The following KDM4C variants were observed in gnomAD, a reference collection of about 807,000 sequenced individuals.
KDM4C encodes lysine-specific demethylase 4C.
KDM4C carries 81 observed loss-of-function variants against 129.3 expected under a neutral mutation model. That is an observed-to-expected ratio of 0.63 (90% confidence interval 0.52 to 0.75). The LOEUF is 0.75. KDM4C is among the 30% of genes least tolerant of loss of function. The probability of loss-of-function intolerance (pLI) is 0.00; values close to 1 mark genes in which losing one functional copy is unlikely to be tolerated. For synonymous variants in KDM4C, 573 were observed against 456.1 expected, an observed-to-expected ratio of 1.26 and a Z score of -3.26; for missense variants, 1,457 against 1,304.0, an observed-to-expected ratio of 1.12 and a Z score of -1.81.
intron 15 of KDM4C, among the ~76,000 whole-genome samples, chr9:7,031,733 G>A (rs891225244): frequency 4.6e-5 from 7 of 152,050 alleles, no homozygotes; most frequent in African/African-American, 4.8e-5. Flanking sequence ...TAAGTAAGTG[G>A]CATCTGCATA....
rs142563766 is a variant in KDM4C at position 6,955,597 on chromosome 9, G to A, written c.922-25328G>A. ...AAGTATGACTCTAGAAAAGGAAAAC[G>A]TGACCAGCCTCTGATTAATGGCATG... On this transcript the variant is annotated intron_variant, in intron 8 of 21. Coordinates refer to ENST00000381309, the MANE Select transcript of KDM4C (RefSeq NM_015061.6). Among the ~76,000 whole-genome samples the A allele has an allele frequency of 8.0e-3, 1,225 of 152,288 alleles. 12 individuals carry two copies. Among genetic ancestry groups the A allele is most frequent in the African/African-American group, 0.026 (1,100 of 41,550 alleles).
intron 1 of KDM4C, among the ~76,000 whole-genome samples, chr9:6,761,477 C>T (rs1395365603): frequency 3.3e-5 from 5 of 152,190 alleles, no homozygotes; most frequent in Non-Finnish European, 7.4e-5. Flanking sequence ...GGTGGGACTA[C>T]AGGTACATGC....
At chr9:7,101,525 A>T (rs1269221583) in intron 17 of KDM4C, among the ~76,000 whole-genome samples, 1 of 152,326 alleles carries the variant, frequency 6.6e-6, no homozygotes, top group East Asian at 1.9e-4. Flanking sequence ...GCATTGAGTT[A>T]TAATAGTTTA....
At chr9:7,145,623 T>G (rs1049811688) in intron 19 of KDM4C, among the ~76,000 whole-genome samples, 2 of 152,262 alleles carry the variant, frequency 1.3e-5, no homozygotes, top group African/African-American at 2.4e-5. Context: ...CTCTCAATTT[T>G]TGCTGCAATT....
chr9:6,790,682 A>AAAAAAAAAAAAG (rs71315564), intron 1 of KDM4C, among the ~76,000 whole-genome samples: 1 of 113,170 alleles, frequency 8.8e-6, no homozygotes, highest in Non-Finnish European at 1.8e-5. Flanking sequence ...AAAAAAAAAA[A>AAAAAAAAAAAAG]GAGGAAAACT....
chr9:6,734,311 T>G (rs1588042393), intron 1 of KDM4C, among the ~76,000 whole-genome samples: 1 of 150,594 alleles, frequency 6.6e-6, no homozygotes, highest in South Asian at 2.1e-4. Flanking sequence ...TTTTTTTTTT[T>G]TAGATGGAGT....
In KDM4C at chr9:7,041,127, C is replaced by A. The variant is rs374170133; in HGVS notation, c.2260-5735C>A. On this transcript the variant is annotated intron_variant, in intron 15 of 21. Coordinates refer to ENST00000381309, the MANE Select transcript of KDM4C (RefSeq NM_015061.6). ...GTATCCATGGGTGGATATGTGGATT[C>A]AACCAACTGTGGATCAGAAATACAT... Among the ~76,000 whole-genome samples, 137 of 151,486 alleles carry A rather than the reference C, an allele frequency of 9.0e-4. 1 individual carries two copies. In the South Asian group the frequency reaches 0.027, roughly 30 times the overall value.
rs933322677 is a variant in KDM4C at position 7,005,058 on chromosome 9, C to T, written c.1787-6640C>T. ...ATTAATTGACAAAGGCTTGAGTCAACACCACTAGAAGGTAGTTGACATTGT... is the reference window on the plus strand; with the variant it reads ...ATTAATTGACAAAGGCTTGAGTCAATACCACTAGAAGGTAGTTGACATTGT... On this transcript the variant is annotated intron_variant, in intron 12 of 21. Transcript: ENST00000381309. 2.0e-5 allele frequency among the ~76,000 whole-genome samples: 3 copies of T among 152,176 alleles called. No homozygotes were observed. In the East Asian group the frequency reaches 5.8e-4, roughly 29 times the overall value.
intron 15 of KDM4C, among the ~76,000 whole-genome samples, chr9:7,028,569 T>A (rs1826186768): frequency 6.6e-6 from 1 of 151,972 alleles, no homozygotes; most frequent in Non-Finnish European, 1.5e-5. Flanking sequence ...GTGGCACAAG[T>A]ACTTCCTCAG....
intron 5 of KDM4C, among the ~76,000 whole-genome samples, chr9:6,857,964 A>G (rs188531131): frequency 5.3e-5 from 5 of 93,494 alleles, no homozygotes; most frequent in East Asian, 6.6e-4. Flanking sequence ...GGGTTTTGCT[A>G]TGTTGCCCAG....
intron 1 of KDM4C, among the ~76,000 whole-genome samples, chr9:6,780,330 A>ATT (rs1186200608): frequency 8.7e-6 from 1 of 115,026 alleles, no homozygotes; most frequent in Admixed American, 9.8e-5. Flanking sequence ...ATTTATTTTT[A>ATT]ATCTCAAACG....
At chr9:6,748,605 T>G in intron 1 of KDM4C, 1 of 675,766 alleles carries the variant, frequency 1.5e-6, no homozygotes, top group East Asian at 2.7e-5. Context: ...AAAACATAAG[T>G]GTAATCAAAA....
intron 5 of KDM4C, among the ~76,000 whole-genome samples, chr9:6,867,784 T>C (rs977003352): frequency 1.3e-5 from 2 of 152,220 alleles, no homozygotes; most frequent in Non-Finnish European, 2.9e-5. Flanking sequence ...TGGCTTCTAC[T>C]TATGAAACTT....
At chr9:6,742,706 C>G (rs1020716505) in intron 1 of KDM4C, among the ~76,000 whole-genome samples, 1 of 149,096 alleles carries the variant, frequency 6.7e-6, no homozygotes, top group Non-Finnish European at 1.5e-5. Context: ...GAAGGAGTCT[C>G]ACTCAATTGA....
In KDM4C at chr9:6,877,923, A is replaced by G. The variant is rs1345533097; in HGVS notation, c.630-2089A>G. On this transcript the variant is annotated intron_variant, in intron 5 of 21. Coordinates refer to ENST00000381309, the MANE Select transcript of KDM4C (RefSeq NM_015061.6). The stretch of plus-strand genomic sequence containing the variant: ...GCTCATTCAGGGAACTTTCAAAGTT[A>G]TTTGTATAGGAAACATTACATAGCT... Among the ~76,000 whole-genome samples, 3 of 152,238 alleles carry G rather than the reference A, an allele frequency of 2.0e-5. No individual in the cohort carries two copies. In the East Asian group the frequency reaches 5.8e-4, roughly 29 times the overall value.
chr9:7,047,725 C>G (rs958553286), intron 16 of KDM4C, among the ~76,000 whole-genome samples: 1 of 151,952 alleles, frequency 6.6e-6, no homozygotes, highest in Non-Finnish European at 1.5e-5. Context: ...GAGATTTTTA[C>G]ATAAAAATCC....
intron 8 of KDM4C, among the ~76,000 whole-genome samples, chr9:6,941,197 T>G (rs541358495): frequency 6.6e-6 from 1 of 152,248 alleles, no homozygotes; most frequent in African/African-American, 2.4e-5. Flanking sequence ...GTGGCAGAGA[T>G]AGGGTTTCAC....
At chr9:6,997,061 T>C (rs1819892532) in intron 12 of KDM4C, among the ~76,000 whole-genome samples, 1 of 152,208 alleles carries the variant, frequency 6.6e-6, no homozygotes, top group Admixed American at 6.5e-5. Context: ...AGCACTCTAC[T>C]GTGTGATGCC....
At chr9:6,783,782 A>G (rs1390931327) in intron 1 of KDM4C, among the ~76,000 whole-genome samples, 1 of 152,228 alleles carries the variant, frequency 6.6e-6, no homozygotes, top group African/African-American at 2.4e-5. Context: ...GATTGTAGCA[A>G]TTAAAAAGTT....
Sources: allele counts gnomAD v4.1 joint callset (sites outside exome capture counted in the v4.1 genomes callset), GRCh38; gene constraint gnomAD v4.1.1; transcripts MANE v1.5; gene names NCBI Gene and HGNC (gene_info 2026-07-23, HGNC 2026-07-21).